SCAPER: variants seen among roughly 807,000 people sequenced by gnomAD.
SCAPER encodes the protein S phase cyclin A-associated protein in the endoplasmic reticulum.
SCAPER carries 98 observed loss-of-function variants against 182.2 expected under a neutral mutation model. The ratio of observed to expected loss-of-function variants is 0.54; its 90% CI spans 0.46 to 0.64. The LOEUF (loss-of-function observed/expected upper bound fraction) is 0.64. SCAPER is among the 30% of genes least tolerant of loss of function. The pLI, the probability that SCAPER is intolerant of heterozygous loss-of-function variation, is 0.00. For synonymous variants in SCAPER, 605 were observed against 564.6 expected, an observed-to-expected ratio of 1.07 and a Z score of -1.01; for missense variants, 1,432 against 1,690.0, an observed-to-expected ratio of 0.85 and a Z score of 2.68.
intron 20 of SCAPER, among the ~76,000 whole-genome samples, chr15:76,695,049 A>G (rs1416901409): frequency 6.6e-6 from 1 of 152,218 alleles, no homozygotes; most frequent in Admixed American, 6.5e-5. Flanking sequence ...ATTTATAAAA[A>G]CCTATAAATT....
chr15:76,453,710 T>C (rs377449598), intron 25 of SCAPER, among the ~76,000 whole-genome samples: 44 of 152,332 alleles, frequency 2.9e-4, no homozygotes, highest in African/African-American at 1.0e-3. Flanking sequence ...TAATAACAAT[T>C]TTGTAGGAAT....
At position 76,665,669 on chromosome 15, in the gene SCAPER, C is replaced by T. The variant is rs1598025920; in HGVS notation, c.2629G>A (p.Ala877Thr). The change falls in exon 21 of 32, where the codon GCC becomes ACC. Residue 877 changes from alanine (A) to threonine (T), a missense_variant. Physicochemically the swap from Ala to Thr is moderately conservative, Grantham distance 58. Transcript: ENST00000563290. ...TTAAGGTACCTGAAGTTCATCCGGG[C>T]TTTTATCTTTTTGGCTTTTTTTTTA... ...KNKKKAKKIK[A>T]RMNFRAKEYE... is the part of the protein sequence containing the mutation. 6.3e-7 allele frequency: 1 copy of T among 1,593,498 alleles called. No homozygotes were observed.
intron 25 of SCAPER, among the ~76,000 whole-genome samples, chr15:76,468,842 T>C (rs1293804840): frequency 6.6e-6 from 1 of 152,120 alleles, no homozygotes; most frequent in Non-Finnish European, 1.5e-5. Flanking sequence ...GGAATCCTCA[T>C]GAATGGGATT....
Position 76,621,769 on chromosome 15 carries a change from T to C in SCAPER, c.2706A>G (p.Lys902=), listed in dbSNP as rs1165406898. Residue 902 remains lysine (K), a synonymous_variant, in exon 22 of 32, where the codon AAA becomes AAG. Transcript: ENST00000563290. ...TKNSGSDSPY[K]AKLQRLAKDL... is the part of the protein sequence containing the mutation. ...CTAAAATGTGGAATACTCACTTTGCTTTATAAGGTGAATCAGAGCCAGAAT... is the reference window on the plus strand; with the variant it reads ...CTAAAATGTGGAATACTCACTTTGCCTTATAAGGTGAATCAGAGCCAGAAT... 1 of 1,606,054 alleles carries C rather than the reference T, an allele frequency of 6.2e-7. No homozygotes were observed. Among genetic ancestry groups the C allele is most frequent in the South Asian group, 1.1e-5 (1 of 89,222 alleles).
chr15:76,607,990 A>G (rs1322224903), intron 22 of SCAPER, among the ~76,000 whole-genome samples: 2 of 151,772 alleles, frequency 1.3e-5, no homozygotes, highest in Non-Finnish European at 1.5e-5. Flanking sequence ...GAGTAGTTTG[A>G]TCGTCTGAAG....
chr15:76,439,079 A>G (rs1277066810), intron 25 of SCAPER, among the ~76,000 whole-genome samples: 1 of 151,444 alleles, frequency 6.6e-6, no homozygotes, highest in Non-Finnish European at 1.5e-5. Context: ...CTTCAGTGAG[A>G]CAAAATGATT....
At chr15:76,509,202 G>A (rs1176885090) in intron 23 of SCAPER, among the ~76,000 whole-genome samples, 3 of 152,168 alleles carry the variant, frequency 2.0e-5, no homozygotes, top group African/African-American at 7.2e-5. Context: ...CAATGCATAA[G>A]GCAAGGGTCC....
At chr15:76,568,496 C>A (rs1320627736) in intron 23 of SCAPER, among the ~76,000 whole-genome samples, 2 of 152,010 alleles carry the variant, frequency 1.3e-5, no homozygotes, top group East Asian at 3.9e-4. Context: ...GCTGTGATTA[C>A]AGGTGCCCAC....
chr15:76,701,655 T>C (rs1191856000), intron 20 of SCAPER, 103 bp downstream of exon 20: 6 of 872,814 alleles, frequency 6.9e-6, no homozygotes, highest in Non-Finnish European at 1.8e-6. Context: ...AATATAGTTT[T>C]AAATAATCAT....
intron 4 of SCAPER, among the ~76,000 whole-genome samples, chr15:76,846,777 T>C (rs77956101): frequency 1.4e-4 from 22 of 152,140 alleles, no homozygotes; most frequent in African/African-American, 5.3e-4. Flanking sequence ...GTATAACCAA[T>C]ATGGAGAACA....
chr15:76,649,426 C>A (rs568683485), intron 21 of SCAPER, among the ~76,000 whole-genome samples: 5 of 151,784 alleles, frequency 3.3e-5, no homozygotes, highest in African/African-American at 1.2e-4. Flanking sequence ...TGAGACAATC[C>A]CCCTGCTCCC....
At chr15:76,860,323 G>A (rs1448375202) in intron 3 of SCAPER, among the ~76,000 whole-genome samples, 1 of 152,014 alleles carries the variant, frequency 6.6e-6, no homozygotes, top group African/African-American at 2.4e-5. Context: ...TGAAGTAATA[G>A]CTCCTTGTGG....
chr15:76,609,793 G>A (rs758821149), intron 22 of SCAPER, among the ~76,000 whole-genome samples: 7 of 152,216 alleles, frequency 4.6e-5, no homozygotes, highest in Non-Finnish European at 1.0e-4. Context: ...GGTGAAAGGA[G>A]GGTAAATGTT....
chr15:76,884,423 T>C (rs2073735999), intron 1 of SCAPER, among the ~76,000 whole-genome samples: 1 of 152,238 alleles, frequency 6.6e-6, no homozygotes, highest in African/African-American at 2.4e-5. Flanking sequence ...CAACAGCCCG[T>C]ACCTTTCAGG....
intron 22 of SCAPER, among the ~76,000 whole-genome samples, chr15:76,581,539 C>A (rs2145509389): frequency 6.6e-6 from 1 of 152,292 alleles, no homozygotes; most frequent in Non-Finnish European, 1.5e-5. Flanking sequence ...ATCATATCAA[C>A]AGAATGAAGG....
chr15:76,729,391 A>G (rs1282807794), intron 16 of SCAPER, among the ~76,000 whole-genome samples: 4 of 152,018 alleles, frequency 2.6e-5, no homozygotes, highest in Non-Finnish European at 5.9e-5. Context: ...AACTTAATAT[A>G]TGTTTTCTGA....
chr15:76,785,859 C>T (rs2064554378), intron 8 of SCAPER, among the ~76,000 whole-genome samples: 1 of 152,042 alleles, frequency 6.6e-6, no homozygotes, highest in Non-Finnish European at 1.5e-5. Context: ...GGGAACATCA[C>T]ACACTGGGGC....
At chr15:76,694,701 T>A (rs1315752409) in intron 20 of SCAPER, among the ~76,000 whole-genome samples, 1 of 152,102 alleles carries the variant, frequency 6.6e-6, no homozygotes, top group Admixed American at 6.5e-5. Context: ...ATGCAACATG[T>A]TCCCAGGAAT....
intron 31 of SCAPER, chr15:76,349,928 G>C (rs1368580281): frequency 6.6e-6 from 1 of 152,006 alleles, no homozygotes; most frequent in Non-Finnish European, 1.5e-5. Flanking sequence ...TTATGATCAG[G>C]AGAAAGAGTA....
Sources: allele counts gnomAD v4.1 joint callset (sites outside exome capture counted in the v4.1 genomes callset), GRCh38; gene constraint gnomAD v4.1.1; transcripts MANE v1.5; gene names NCBI Gene and HGNC (gene_info 2026-07-23, HGNC 2026-07-21).